The following GLIS3 variants were observed in gnomAD, a reference collection of about 807,000 sequenced individuals.
The protein encoded by GLIS3 is zinc finger protein GLIS3.
GLIS3 carries 53 observed loss-of-function variants against 78.6 expected under a neutral mutation model. The observed-to-expected ratio is 0.67, with a 90% CI of 0.54 to 0.85. The LOEUF (loss-of-function observed/expected upper bound fraction) is 0.85, where lower values mean the gene tolerates loss of function less well. GLIS3 is among the 40% of genes least tolerant of loss of function. The pLI, the probability that GLIS3 is intolerant of heterozygous loss-of-function variation, is 0.00. For missense variants in GLIS3, 1,703 were observed against 1,231.1 expected (o/e 1.38, Z -5.74); for synonymous variants, 684 against 509.9 (o/e 1.34, Z -4.60).
intron 2 of GLIS3, among the ~76,000 whole-genome samples, chr9:4,313,806 T>G (rs1332111842): frequency 6.6e-6 from 1 of 152,206 alleles, no homozygotes; most frequent in East Asian, 1.9e-4. Flanking sequence ...TTCCTCTCCC[T>G]TGCATTTTCC....
chr9:3,853,026 T>C (rs950897686), intron 9 of GLIS3, among the ~76,000 whole-genome samples: 5 of 152,028 alleles, frequency 3.3e-5, no homozygotes, highest in Admixed American at 1.3e-4. Flanking sequence ...CTGGGCAACA[T>C]AGTGAGACTC....
intron 4 of GLIS3, among the ~76,000 whole-genome samples, chr9:3,954,946 G>A (rs990135197): frequency 1.3e-5 from 2 of 152,164 alleles, no homozygotes; most frequent in African/African-American, 4.8e-5. Context: ...GGTGCACATG[G>A]AATAAGCCGG....
intron 4 of GLIS3, among the ~76,000 whole-genome samples, chr9:3,951,058 T>G (rs1779907672): frequency 6.6e-6 from 1 of 152,342 alleles, no homozygotes; most frequent in Admixed American, 6.5e-5. Flanking sequence ...AATTTCTAAG[T>G]TCTACATGAA....
rs1487495774 is a variant in GLIS3 at position 4,206,768 on chromosome 9, C to A, written c.388+79270G>T. Among the ~76,000 whole-genome samples the A allele has an allele frequency of 4.6e-5, 7 of 152,188 alleles. No individual in the cohort carries two copies. In the East Asian group the frequency reaches 1.2e-3, roughly 25 times the overall value. ...AAATCTTTGATAGATCGAAACTCTGCATCAGTTTACCAAGAGCTGAACTGT... is the reference window on the plus strand; with the variant it reads ...AAATCTTTGATAGATCGAAACTCTGAATCAGTTTACCAAGAGCTGAACTGT... On this transcript the variant is annotated intron_variant, in intron 2 of 10. Coordinates refer to ENST00000381971, the MANE Select transcript of GLIS3 (RefSeq NM_001042413.2).
At chr9:4,333,119 C>T (rs138408682) in intron 2 of GLIS3, among the ~76,000 whole-genome samples, 118 of 152,240 alleles carry the variant, frequency 7.8e-4, no homozygotes, top group Middle Eastern at 3.4e-3. Context: ...AGGTGCTGCA[C>T]TCTTATAGTC....
At chr9:4,177,479 C>G (rs1482061561) in intron 2 of GLIS3, among the ~76,000 whole-genome samples, 1 of 152,176 alleles carries the variant, frequency 6.6e-6, no homozygotes, top group Non-Finnish European at 1.5e-5. Flanking sequence ...GAAACAGATA[C>G]AGGTGAAGGT....
chr9:3,962,706 G>C (rs896795891), intron 4 of GLIS3, among the ~76,000 whole-genome samples: 1 of 152,132 alleles, frequency 6.6e-6, no homozygotes, highest in African/African-American at 2.4e-5. Flanking sequence ...AAGAGAAAGG[G>C]GGGAATGTGA....
chr9:4,118,203 G>T lies in GLIS3; in HGVS notation c.1275C>A (p.Ala425=), dbSNP rs758380542. Residue 425 remains alanine (A), a synonymous_variant, in exon 4 of 11, where the codon GCC becomes GCA. Coordinates refer to ENST00000381971, the MANE Select transcript of GLIS3 (RefSeq NM_001042413.2). This position sits in a 1 kb window ranked among gnomAD's most constrained non-coding sequence, Gnocchi z 4.7. ...HGLPGPDSQS[A]GLFKTERLEE... ...CCAGGCGTTCGGTCTTGAACAGGCCGGCCGACTGGCTGTCGGGGCCCGGCA... is the reference window on the plus strand; with the variant it reads ...CCAGGCGTTCGGTCTTGAACAGGCCTGCCGACTGGCTGTCGGGGCCCGGCA... 6.3e-7 allele frequency: 1 copy of T among 1,585,920 alleles called. No individual in the cohort carries two copies. The highest frequency in any genetic ancestry group is 8.6e-7 in the Non-Finnish European group (1 of 1,165,876).
chr9:4,043,545 A>T (rs1825006278), intron 4 of GLIS3, among the ~76,000 whole-genome samples: 2 of 152,080 alleles, frequency 1.3e-5, no homozygotes, highest in African/African-American at 2.4e-5. Context: ...ATCCTAAAGA[A>T]GGAGAAGGTC....
At chr9:4,130,516 C>G (rs1477192460) in intron 2 of GLIS3, among the ~76,000 whole-genome samples, 5 of 152,226 alleles carry the variant, frequency 3.3e-5, no homozygotes, top group African/African-American at 1.2e-4. Flanking sequence ...TAGCTCCAGT[C>G]TTGGCTCAAA....
chr9:4,425,943 T>C, the GLIS3 span, among the ~76,000 whole-genome samples: 1 of 152,208 alleles, frequency 6.6e-6, no homozygotes, highest in Non-Finnish European at 1.5e-5. Context: ...GGGTGCTGAC[T>C]CTGTGCTCAG....
intron 2 of GLIS3, among the ~76,000 whole-genome samples, chr9:4,266,184 C>T (rs1825990464): frequency 6.6e-6 from 1 of 151,786 alleles, no homozygotes; most frequent in Admixed American, 6.6e-5. Context: ...TCCCAAAGTG[C>T]TGAGATTACA....
intron 2 of GLIS3, among the ~76,000 whole-genome samples, chr9:4,258,544 A>T (rs1218460348): frequency 6.6e-6 from 1 of 152,180 alleles, no homozygotes; most frequent in African/African-American, 2.4e-5. Context: ...TGAAAGAAAA[A>T]GTTACTTTAA....
intron 2 of GLIS3, among the ~76,000 whole-genome samples, chr9:4,266,148 G>C (rs985863118): frequency 2.0e-5 from 3 of 151,684 alleles, no homozygotes; most frequent in Non-Finnish European, 2.9e-5. Context: ...TCGATCTCCT[G>C]ACCTCATGAT....
intron 6 of GLIS3, among the ~76,000 whole-genome samples, chr9:3,910,285 G>T (rs1190159566): frequency 1.3e-5 from 2 of 152,154 alleles, no homozygotes; most frequent in African/African-American, 4.8e-5. Context: ...GCATGGTTTA[G>T]CTTCTTTGTT....
At chr9:4,424,553 T>C in the GLIS3 span, among the ~76,000 whole-genome samples, 1 of 152,160 alleles carries the variant, frequency 6.6e-6, no homozygotes, top group African/African-American at 2.4e-5. Flanking sequence ...ATAGTGGATT[T>C]GCTTTTGTTT....
rs1819765047 is a variant in GLIS3, at chr9:3,856,057, G to C, written c.2425C>G (p.Gln809Glu). Residue 809 changes from glutamine (Q) to glutamate (E), a missense_variant, in exon 9 of 11, where the codon CAG becomes GAG. Transcript: ENST00000381971. ...TGAAAAGAAGAGTTTGTTTCTGGCT[G>C]ATAGGACTTCAGGTGTGAACCTGAT... ...QPSGSHLKSYQPETNSSFQPN... is the reference protein window; with the variant it reads ...QPSGSHLKSYEPETNSSFQPN... The C allele has an allele frequency of 6.2e-7, 1 of 1,614,228 alleles. No homozygotes were observed. The highest frequency in any genetic ancestry group is 8.5e-7 in the Non-Finnish European group (1 of 1,180,028).
At chr9:3,917,815 A>C (rs916347880) in intron 6 of GLIS3, among the ~76,000 whole-genome samples, 4 of 152,334 alleles carry the variant, frequency 2.6e-5, no homozygotes, top group Middle Eastern at 3.4e-3. Flanking sequence ...GCTCCTTGAA[A>C]ATTGGTAATT....
intron 4 of GLIS3, among the ~76,000 whole-genome samples, chr9:3,984,870 A>G (rs577688285): frequency 2.4e-4 from 36 of 152,234 alleles, no homozygotes; most frequent in African/African-American, 8.7e-4. Context: ...GAGTCTCGCG[A>G]GATCTGATGG....
Sources: gnomAD v4.1 joint callset for allele counts (sites outside exome capture counted in the v4.1 genomes callset) on GRCh38, gnomAD v4.1.1 for gene constraint, Gnocchi (gnomAD v3.1) non-coding constraint, MANE v1.5 for transcripts, NCBI Gene and HGNC (gene_info 2026-07-23, HGNC 2026-07-21) for gene names.